Variants in COL19A1 observed in about 807,000 individuals in gnomAD.
The protein encoded by COL19A1 is collagen alpha-1(XIX) chain.
In COL19A1, 159 loss-of-function variants were observed where a neutral mutation model predicts 190.2. That is an observed-to-expected ratio of 0.84 (90% CI 0.73 to 0.95). COL19A1 has a LOEUF of 0.95. Among genes scored for constraint, COL19A1 ranks in the 40% least tolerant of loss-of-function variants. The pLI, the probability that COL19A1 is intolerant of heterozygous loss-of-function variation, is 0.00. For missense variants in COL19A1, 1,418 were observed against 1,431.9 expected (o/e 0.99, Z 0.16); for synonymous variants, 509 against 458.9 (o/e 1.11, Z -1.39).
intron 41 of COL19A1, among the ~76,000 whole-genome samples, chr6:70,174,420 C>A (rs1010864261): frequency 6.6e-6 from 1 of 152,098 alleles, no homozygotes; most frequent in Admixed American, 6.5e-5. Flanking sequence ...ATTAGCCAAG[C>A]GTGGTGGCAG....
In COL19A1 at chr6:69,872,091, A is replaced by G. The variant is rs532916821; in HGVS notation, c.-33+5451A>G. 1.1e-4 allele frequency among the ~76,000 whole-genome samples: 16 copies of G among 152,318 alleles called. No individual in the cohort carries two copies. In the East Asian group the frequency reaches 1.2e-3, roughly 11 times the overall value. On this transcript the variant is annotated intron_variant, in intron 1 of 50. Coordinates refer to ENST00000620364, the MANE Select transcript of COL19A1 (RefSeq NM_001858.6). Reference sequence around the variant, plus strand: ...CTTGGCCTCCCAAAGTGCTGGGATTACAGGCGTGAGCCACCATGCCTGGCT... The same window carrying G: ...CTTGGCCTCCCAAAGTGCTGGGATTGCAGGCGTGAGCCACCATGCCTGGCT...
At chr6:70,142,337 A>G (rs1254570321) in intron 22 of COL19A1, among the ~76,000 whole-genome samples, 3 of 152,208 alleles carry the variant, frequency 2.0e-5, no homozygotes, top group Non-Finnish European at 2.9e-5. Flanking sequence ...AGAGTAAACA[A>G]TGTGAGCTAA....
rs557960908 is a variant in COL19A1 at position 70,166,495 on chromosome 6, A to G, written c.2445+510A>G. Among the ~76,000 whole-genome samples, 9 of 152,348 alleles carry G rather than the reference A, an allele frequency of 5.9e-5. 1 individual carries two copies. The South Asian group carries it at 1.9e-3, about 32-fold the overall frequency. On this transcript the variant is annotated intron_variant, in intron 37 of 50. Coordinates refer to ENST00000620364, the MANE Select transcript of COL19A1 (RefSeq NM_001858.6). Reference sequence around the variant, plus strand: ...TCATTATTGTGATTGAGACAGATGCACGCTCCGTCAGGGAAACGGTGGAGA... The same window carrying G: ...TCATTATTGTGATTGAGACAGATGCGCGCTCCGTCAGGGAAACGGTGGAGA...
chr6:70,032,436 T>C (rs1321850852), intron 12 of COL19A1, among the ~76,000 whole-genome samples: 1 of 152,128 alleles, frequency 6.6e-6, no homozygotes, highest in African/African-American at 2.4e-5. Context: ...TCTAAAGTCG[T>C]ACTAATCAAT....
At chr6:70,060,482 C>T (rs773457664) in intron 14 of COL19A1, among the ~76,000 whole-genome samples, 5 of 148,454 alleles carry the variant, frequency 3.4e-5, no homozygotes, top group Non-Finnish European at 7.4e-5. Flanking sequence ...CAAGCTTCAT[C>T]TGTATCTACA....
At chr6:70,022,040 T>C (rs141339987) in intron 11 of COL19A1, among the ~76,000 whole-genome samples, 238 of 152,298 alleles carry the variant, frequency 1.6e-3, no homozygotes, top group African/African-American at 5.3e-3. Context: ...TTCCATACAG[T>C]AATAATACAT....
chr6:69,901,745 T>C (rs1770205900), intron 4 of COL19A1, among the ~76,000 whole-genome samples: 1 of 152,340 alleles, frequency 6.6e-6, no homozygotes, highest in South Asian at 2.1e-4. Context: ...CAATACATTC[T>C]GTTTAAAAAT....
At chr6:70,057,338 C>T (rs185348990) in intron 14 of COL19A1, among the ~76,000 whole-genome samples, 1 of 152,164 alleles carries the variant, frequency 6.6e-6, no homozygotes, top group Non-Finnish European at 1.5e-5. Flanking sequence ...TTAGAGTTAA[C>T]TGAAATAAAA....
intron 10 of COL19A1, among the ~76,000 whole-genome samples, chr6:69,962,624 C>G (rs1302981720): frequency 1.3e-5 from 2 of 152,110 alleles, no homozygotes; most frequent in African/African-American, 4.8e-5. Flanking sequence ...GAAGCTGTAA[C>G]TTATACCCTA....
Position 70,055,854 on chromosome 6 carries a change from G to A in COL19A1, c.1171-12569G>A, listed in dbSNP as rs146411390. On this transcript the variant is annotated intron_variant, in intron 14 of 50. Coordinates refer to ENST00000620364, the MANE Select transcript of COL19A1 (RefSeq NM_001858.6). ...ATTGTCATGTGCAGAGCTAAGTGGT[G>A]TACCTTTTCTTTCTTGAATAGTTTG... Among the ~76,000 whole-genome samples, 298 of 149,612 alleles carry A rather than the reference G, an allele frequency of 2.0e-3. 2 individuals carry two copies. The highest frequency in any genetic ancestry group is 6.5e-3 in the African/African-American group (264 of 40,804).
chr6:70,129,698 AAAAAT>A (rs1227076792), intron 17 of COL19A1, among the ~76,000 whole-genome samples: 3 of 152,236 alleles, frequency 2.0e-5, no homozygotes, highest in Admixed American at 1.3e-4. Flanking sequence ...CAAAAAGGAA[AAAAAT>A]AAAATAAAAT....
chr6:70,150,060 C>T lies in COL19A1; in HGVS notation c.2037+15C>T. 1 of 1,613,072 alleles carries T rather than the reference C, an allele frequency of 6.2e-7. No homozygotes were observed. Among genetic ancestry groups the T allele is most frequent in the Non-Finnish European group, 8.5e-7 (1 of 1,179,530 alleles). On this transcript the variant is annotated intron_variant, in intron 30 of 50. Coordinates refer to ENST00000620364, the MANE Select transcript of COL19A1 (RefSeq NM_001858.6). ...CAGGTGACCCGGTATGTAGACAAAC[C>T]TTGTCTGATTTATGTATCTTAAATG...
chr6:70,181,656 A>AACACACAC (rs56362588), intron 44 of COL19A1, among the ~76,000 whole-genome samples: 2,083 of 147,906 alleles, frequency 0.014, 32 homozygotes, highest in Admixed American at 0.031. Flanking sequence ...AGATAAAAAC[A>AACACACAC]ACACACACAC....
At chr6:69,880,402 T>A (rs1418765313) in intron 2 of COL19A1, among the ~76,000 whole-genome samples, 2 of 152,194 alleles carry the variant, frequency 1.3e-5, no homozygotes, top group Non-Finnish European at 2.9e-5. Flanking sequence ...AAAGAGAAAC[T>A]TCATCTCTCC....
intron 14 of COL19A1, among the ~76,000 whole-genome samples, chr6:70,064,487 A>G (rs1781051470): frequency 1.3e-5 from 2 of 152,196 alleles, no homozygotes; most frequent in African/African-American, 2.4e-5. Context: ...ATTTATGACA[A>G]ACCCACAGCC....
intron 14 of COL19A1, among the ~76,000 whole-genome samples, chr6:70,050,568 G>A (rs1780149127): frequency 6.6e-6 from 1 of 151,892 alleles, no homozygotes; most frequent in Admixed American, 6.6e-5. Flanking sequence ...ATTTTTTACT[G>A]ACAAACAAAT....
At chr6:69,888,226 A>C (rs1176510202) in intron 2 of COL19A1, among the ~76,000 whole-genome samples, 1 of 152,124 alleles carries the variant, frequency 6.6e-6, no homozygotes. Context: ...CACGTATCAA[A>C]ATGAAACAAG....
At chr6:70,119,230 A>T (rs1347999916) in intron 16 of COL19A1, among the ~76,000 whole-genome samples, 1 of 152,192 alleles carries the variant, frequency 6.6e-6, no homozygotes, top group Non-Finnish European at 1.5e-5. Context: ...ACAGTCACAG[A>T]CTAGGAGAAA....
At chr6:70,163,660 C>A (rs1306702090) in intron 36 of COL19A1, among the ~76,000 whole-genome samples, 1 of 152,138 alleles carries the variant, frequency 6.6e-6, no homozygotes, top group African/African-American at 2.4e-5. Flanking sequence ...TCCTGGGCAA[C>A]CATCTATGTG....
Sources: allele counts gnomAD v4.1 joint callset (sites outside exome capture counted in the v4.1 genomes callset), GRCh38; gene constraint gnomAD v4.1.1; transcripts MANE v1.5; gene names NCBI Gene and HGNC (gene_info 2026-07-23, HGNC 2026-07-21).